Variants in DNER observed in about 807,000 individuals in gnomAD.
The protein encoded by DNER is delta/notch like EGF repeat containing, also known as delta and Notch-like epidermal growth factor-related receptor.
DNER carries 33 observed loss-of-function variants against 78.2 expected under a neutral mutation model. The ratio of observed to expected loss-of-function variants is 0.42; its 90% CI spans 0.32 to 0.56. The LOEUF (loss-of-function observed/expected upper bound fraction) is 0.56. Among genes scored for constraint, DNER ranks in the 20% least tolerant of loss-of-function variants. The pLI is 0.11. For missense variants in DNER, 918 were observed against 975.3 expected, an observed-to-expected ratio of 0.94 and a Z score of 0.78; for synonymous variants, 417 against 384.8, an observed-to-expected ratio of 1.08 and a Z score of -0.98.
intron 7 of DNER, among the ~76,000 whole-genome samples, chr2:229,454,426 A>C (rs1036628205): frequency 5.9e-5 from 9 of 152,216 alleles, no homozygotes; most frequent in African/African-American, 1.9e-4. Flanking sequence ...GTTGAATTGA[A>C]TATCAAAAAG....
At chr2:229,530,601 C>A (rs1696283958) in intron 5 of DNER, among the ~76,000 whole-genome samples, 1 of 152,250 alleles carries the variant, frequency 6.6e-6, no homozygotes, top group Non-Finnish European at 1.5e-5. Flanking sequence ...AGCAACCTTG[C>A]TGGGTTTGTC....
chr2:229,698,074 T>C (rs1169055633), intron 1 of DNER, among the ~76,000 whole-genome samples: 1 of 152,132 alleles, frequency 6.6e-6, no homozygotes, highest in Non-Finnish European at 1.5e-5. Context: ...TATGGTGGCA[T>C]GTGCCTGTAG....
At position 229,358,484 on chromosome 2, in the gene DNER, A is replaced by G. The variant is rs1183431489; in HGVS notation, c.*56T>C. On this transcript the variant is annotated 3_prime_UTR_variant, in exon 13 of 13. Transcript: ENST00000341772. ...ATTTCTTAAGCTTTTTATTTTCTTA[A>G]AAATATTTAAATGAGTGTAGTATCT... 2 of 1,334,864 alleles carry G rather than the reference A, an allele frequency of 1.5e-6. No individual in the cohort carries two copies. The highest frequency in any genetic ancestry group is 2.5e-5 in the East Asian group (1 of 39,296). 82.7% of individuals were successfully genotyped at this position (1,334,864 alleles called of 1,614,324 possible).
At chr2:229,458,788 A>G (rs913055069) in intron 7 of DNER, among the ~76,000 whole-genome samples, 1 of 151,994 alleles carries the variant, frequency 6.6e-6, no homozygotes, top group Non-Finnish European at 1.5e-5. Context: ...AAAAAAAGTA[A>G]AAGAAATAAA....
At chr2:229,687,333 G>A (rs887150404) in intron 1 of DNER, among the ~76,000 whole-genome samples, 6 of 146,944 alleles carry the variant, frequency 4.1e-5, no homozygotes, top group Non-Finnish European at 7.4e-5. Flanking sequence ...GCACGATCTC[G>A]GTTCACTGCA....
chr2:229,516,969 G>C (rs868153663), intron 5 of DNER, among the ~76,000 whole-genome samples: 64 of 151,288 alleles, frequency 4.2e-4, no homozygotes, highest in African/African-American at 1.3e-3. Flanking sequence ...AAATTAGCTG[G>C]GCGTGGTGGC....
chr2:229,466,536 C>T (rs13385992), intron 7 of DNER, among the ~76,000 whole-genome samples: 69,363 of 151,680 alleles, frequency 0.46, 16,012 homozygotes, highest in African/African-American at 0.49. Context: ...CCCAGAGGAG[C>T]CCTGTCACAC....
chr2:229,619,939 C>T (rs549830057), intron 1 of DNER, among the ~76,000 whole-genome samples: 131 of 152,336 alleles, frequency 8.6e-4, no homozygotes, highest in African/African-American at 3.0e-3. Context: ...ATTCCATCCT[C>T]ACCTTTGTTT....
chr2:229,471,038 T>C (rs1390732955), intron 7 of DNER, among the ~76,000 whole-genome samples: 1 of 93,692 alleles, frequency 1.1e-5, no homozygotes, highest in Non-Finnish European at 3.0e-5. Flanking sequence ...TTCAGGACTG[T>C]TAATTTTATG....
chr2:229,703,931 A>C (rs1357149571), intron 1 of DNER, among the ~76,000 whole-genome samples: 3 of 152,130 alleles, frequency 2.0e-5, no homozygotes, highest in African/African-American at 7.2e-5. Flanking sequence ...AGAAAAAAAA[A>C]AAAAGAAAGG....
At chr2:229,562,644 A>G (rs987229315) in intron 4 of DNER, among the ~76,000 whole-genome samples, 1 of 152,090 alleles carries the variant, frequency 6.6e-6, no homozygotes, top group Non-Finnish European at 1.5e-5. Flanking sequence ...GGTAATGGAA[A>G]GATTACACCA....
At chr2:229,552,228 C>A (rs965009987) in intron 4 of DNER, among the ~76,000 whole-genome samples, 1 of 152,204 alleles carries the variant, frequency 6.6e-6, no homozygotes, top group Non-Finnish European at 1.5e-5. Flanking sequence ...GTGAACCTCG[C>A]AGCCATGATT....
chr2:229,364,431 G>A (rs1341729858), intron 12 of DNER, among the ~76,000 whole-genome samples: 1 of 152,132 alleles, frequency 6.6e-6, no homozygotes, highest in Non-Finnish European at 1.5e-5. Context: ...GGCATAAAGA[G>A]TCAAATAAAC....
At chr2:229,448,549 T>A (rs1694388158) in intron 7 of DNER, among the ~76,000 whole-genome samples, 1 of 152,370 alleles carries the variant, frequency 6.6e-6, no homozygotes, top group East Asian at 1.9e-4. Context: ...TTTTATGTTA[T>A]ATAAAATTAT....
At chr2:229,706,281 T>A (rs554261506) in intron 1 of DNER, among the ~76,000 whole-genome samples, 1 of 152,050 alleles carries the variant, frequency 6.6e-6, no homozygotes, top group South Asian at 2.1e-4. Context: ...CCGGACACAG[T>A]GGCTCATGCC....
chr2:229,684,044 A>G (rs1699432855), intron 1 of DNER, among the ~76,000 whole-genome samples: 2 of 152,038 alleles, frequency 1.3e-5, no homozygotes, highest in African/African-American at 4.8e-5. Flanking sequence ...CAGTCTGAAA[A>G]GTGCAATGGT....
chr2:229,638,831 A>G lies in DNER; in HGVS notation c.277-46943T>C, dbSNP rs370170494. ...AAACTACAAAGCAATCTACAAAACT[A>G]TATCGGTAAAACCCACCTCACAGAT... is the stretch of plus-strand genomic sequence containing the variant. On this transcript the variant is annotated intron_variant, in intron 1 of 12. Coordinates refer to ENST00000341772, the MANE Select transcript of DNER (RefSeq NM_139072.4). Among the ~76,000 whole-genome samples the G allele has an allele frequency of 2.0e-4, 31 of 152,358 alleles. No homozygotes were observed. In the East Asian group the frequency reaches 3.7e-3, roughly 18 times the overall value.
intron 5 of DNER, among the ~76,000 whole-genome samples, chr2:229,524,215 GA>G: frequency 6.6e-6 from 1 of 152,188 alleles, no homozygotes; most frequent in East Asian, 1.9e-4. Context: ...CATAGCCAGG[GA>G]AAACACGACC....
At chr2:229,453,837 A>T (rs1694510799) in intron 7 of DNER, among the ~76,000 whole-genome samples, 1 of 151,684 alleles carries the variant, frequency 6.6e-6, no homozygotes, top group African/African-American at 2.4e-5. Flanking sequence ...ACAGACAGGC[A>T]GACAGACGGA....
Sources: gnomAD v4.1 joint callset for allele counts (sites outside exome capture counted in the v4.1 genomes callset) on GRCh38, gnomAD v4.1.1 for gene constraint, MANE v1.5 for transcripts, NCBI Gene and HGNC (gene_info 2026-07-23, HGNC 2026-07-21) for gene names.